The following LRBA variants were observed in gnomAD, a reference collection of about 807,000 sequenced individuals.
LRBA encodes the protein LPS responsive beige-like anchor protein.
A neutral mutation model predicts 330.0 loss-of-function variants in LRBA; 176 were observed. The observed-to-expected ratio is 0.53, with a 90% confidence interval of 0.47 to 0.60. The LOEUF (loss-of-function observed/expected upper bound fraction) is 0.60. Among genes scored for constraint, LRBA ranks in the 20% least tolerant of loss-of-function variants. The pLI is 0.00. For synonymous variants in LRBA, 1,230 were observed against 1,193.0 expected (o/e 1.03, Z -0.64); for missense variants, 3,259 against 3,444.8 (o/e 0.95, Z 1.35).
chr4:150,485,363 T>C lies in LRBA; in HGVS notation c.6551+2369A>G, dbSNP rs940393669. Among the ~76,000 whole-genome samples, 10 of 152,022 alleles carry C rather than the reference T, an allele frequency of 6.6e-5. No homozygotes were observed. The Admixed American group carries it at 6.6e-4, about 10-fold the overall frequency. ...TATGATATGTCACTTTTTCCTCTGA[T>C]AATATAATGCTTTGTGTGGTAATTT... is the stretch of plus-strand genomic sequence containing the variant. On this transcript the variant is annotated intron_variant, in intron 42 of 56. Coordinates refer to ENST00000651943, the MANE Select transcript of LRBA (RefSeq NM_001364905.1).
intron 17 of LRBA, among the ~76,000 whole-genome samples, chr4:150,883,479 T>A (rs1728627411): frequency 6.6e-6 from 1 of 152,094 alleles, no homozygotes; most frequent in African/African-American, 2.4e-5. Context: ...AAAAATTATG[T>A]TACTGTATAC....
At chr4:150,865,730 T>TC (rs1280064379) in intron 22 of LRBA, among the ~76,000 whole-genome samples, 2 of 151,650 alleles carry the variant, frequency 1.3e-5, no homozygotes, top group African/African-American at 4.8e-5. Flanking sequence ...TTTTTTTTTT[T>TC]TTTTTAGATG....
chr4:150,883,278 T>C (rs1262958448), intron 17 of LRBA, among the ~76,000 whole-genome samples: 2 of 152,114 alleles, frequency 1.3e-5, no homozygotes, highest in East Asian at 3.9e-4. Context: ...CTGGGCAACA[T>C]GGTGAAACGT....
intron 41 of LRBA, among the ~76,000 whole-genome samples, chr4:150,490,021 G>T (rs1212491330): frequency 2.6e-5 from 4 of 151,462 alleles, no homozygotes; most frequent in Non-Finnish European, 4.4e-5. Context: ...CTTTGGGACA[G>T]CAAGGATGCG....
Position 150,342,295 on chromosome 4 carries a change from TA to T in LRBA, c.7362+7696del, listed in dbSNP as rs552856510. On this transcript the variant is annotated intron_variant, in intron 48 of 56. Transcript: ENST00000651943. ...CTTTTATTTATTTGTCCCTTATCTA[TA>T]AAAGAATATATGTAATATTGAGGAA... Among the ~76,000 whole-genome samples, 227 of 151,872 alleles carry T rather than the reference TA, an allele frequency of 1.5e-3. 1 individual carries two copies. Among genetic ancestry groups the T allele is most frequent in the African/African-American group, 5.2e-3 (215 of 41,434 alleles).
intron 40 of LRBA, among the ~76,000 whole-genome samples, chr4:150,510,574 C>T (rs539638864): frequency 1.4e-4 from 21 of 152,318 alleles, no homozygotes; most frequent in African/African-American, 4.3e-4. Flanking sequence ...ATCTTTCTCT[C>T]GGATTTCTCA....
At chr4:150,712,095 A>G (rs1786277316) in intron 36 of LRBA, among the ~76,000 whole-genome samples, 1 of 152,242 alleles carries the variant, frequency 6.6e-6, no homozygotes, top group Non-Finnish European at 1.5e-5. Flanking sequence ...CGATTAAAAG[A>G]GCAGAACATA....
intron 37 of LRBA, among the ~76,000 whole-genome samples, chr4:150,615,444 C>T (rs1461977121): frequency 1.3e-5 from 2 of 151,920 alleles, no homozygotes; most frequent in Non-Finnish European, 2.9e-5. Flanking sequence ...TGTCTGGGAA[C>T]AAATAGCAGC....
chr4:150,364,436 G>A (rs191067778), intron 47 of LRBA, among the ~76,000 whole-genome samples: 39 of 152,332 alleles, frequency 2.6e-4, no homozygotes, highest in African/African-American at 9.4e-4. Flanking sequence ...GCTAGTAAAT[G>A]TCAGAGTTGT....
chr4:150,519,312 A>G (rs1336638611), intron 40 of LRBA, among the ~76,000 whole-genome samples: 1 of 152,126 alleles, frequency 6.6e-6, no homozygotes, highest in African/African-American at 2.4e-5. Context: ...TGTAATCACC[A>G]TCCTATTATA....
intron 40 of LRBA, among the ~76,000 whole-genome samples, chr4:150,508,394 T>G (rs1047451462): frequency 6.6e-5 from 10 of 152,094 alleles, no homozygotes; most frequent in Non-Finnish European, 1.0e-4. Flanking sequence ...ACGATTCTCC[T>G]GCCTCAGCCT....
intron 26 of LRBA, among the ~76,000 whole-genome samples, chr4:150,848,158 G>A (rs573952918): frequency 3.2e-4 from 48 of 152,192 alleles, no homozygotes; most frequent in Middle Eastern, 3.4e-3. Context: ...GGGATTATAA[G>A]CGTGCACCAC....
At chr4:150,998,188 C>T (rs1260357580) in intron 2 of LRBA, among the ~76,000 whole-genome samples, 1 of 151,334 alleles carries the variant, frequency 6.6e-6, no homozygotes, top group African/African-American at 2.4e-5. Context: ...CCCGTCTCTA[C>T]TAAAAAAATA....
chr4:150,573,416 T>G (rs1444593848), intron 40 of LRBA, among the ~76,000 whole-genome samples: 3 of 152,222 alleles, frequency 2.0e-5, no homozygotes, highest in African/African-American at 7.2e-5. Context: ...CAACTCCTTT[T>G]GGTCACCTGG....
Position 150,355,752 on chromosome 4 carries a change from G to A in LRBA, c.7195-5593C>T, listed in dbSNP as rs542506488. Among the ~76,000 whole-genome samples the A allele has an allele frequency of 8.5e-5, 13 of 152,100 alleles. No homozygotes were observed. The East Asian group carries it at 2.5e-3, about 29-fold the overall frequency. On this transcript the variant is annotated intron_variant, in intron 47 of 56. Transcript: ENST00000651943. Reference sequence around the variant, plus strand: ...GTATTTAATCGTATTTATAATGAATGAAACATCCATTTTGTAAAATTTTAA... The same window carrying A: ...GTATTTAATCGTATTTATAATGAATAAAACATCCATTTTGTAAAATTTTAA...
chr4:150,532,634 T>A (rs980843008), intron 40 of LRBA, among the ~76,000 whole-genome samples: 9 of 152,114 alleles, frequency 5.9e-5, no homozygotes, highest in African/African-American at 1.9e-4. Context: ...TTTGTTTACA[T>A]GCAACCTTAT....
At chr4:150,301,783 T>C (rs1455737992) in intron 53 of LRBA, among the ~76,000 whole-genome samples, 1 of 152,124 alleles carries the variant, frequency 6.6e-6, no homozygotes, top group Non-Finnish European at 1.5e-5. Flanking sequence ...CCAAATACAT[T>C]GCAACTTGCC....
intron 56 of LRBA, among the ~76,000 whole-genome samples, chr4:150,266,838 G>GACAA (rs1281225598): frequency 1.3e-5 from 2 of 152,160 alleles, no homozygotes; most frequent in African/African-American, 4.8e-5. Flanking sequence ...GAGATCTAAA[G>GACAA]ACAAACATCT....
At position 150,960,257 on chromosome 4, in the gene LRBA, G is replaced by A. The variant is rs1467947620; in HGVS notation, c.217-31192C>T. On this transcript the variant is annotated intron_variant, in intron 2 of 56. Transcript: ENST00000651943. The stretch of plus-strand genomic sequence containing the variant: ...GAGACAACCTGACATAAGAGCCTCC[G>A]GATGACAGAACACAGCACCACCTAG... Among the ~76,000 whole-genome samples, 16 of 148,676 alleles carry A rather than the reference G, an allele frequency of 1.1e-4. 1 individual carries two copies. Among genetic ancestry groups the A allele is most frequent in the African/African-American group, 3.9e-4 (15 of 38,282 alleles).
Sources: gnomAD v4.1 joint callset for allele counts (sites outside exome capture counted in the v4.1 genomes callset) on GRCh38, gnomAD v4.1.1 for gene constraint, MANE v1.5 for transcripts, NCBI Gene and HGNC (gene_info 2026-07-23, HGNC 2026-07-21) for gene names.